CTDP1: variants seen among roughly 807,000 people sequenced by gnomAD.
The protein encoded by CTDP1 is CTD phosphatase 1, also known as RNA polymerase II subunit A C-terminal domain phosphatase.
Under a neutral mutation model 91.8 loss-of-function variants are expected in CTDP1, and 47 were observed. That is an observed-to-expected ratio of 0.51 (90% CI 0.41 to 0.65). The LOEUF (loss-of-function observed/expected upper bound fraction) is 0.65. Among genes scored for constraint, CTDP1 ranks in the 30% least tolerant of loss-of-function variants. CTDP1 has a pLI of 0.00. For synonymous variants in CTDP1, 656 were observed against 598.5 expected, an observed-to-expected ratio of 1.10 and a Z score of -1.40; for missense variants, 1,272 against 1,373.7, an observed-to-expected ratio of 0.93 and a Z score of 1.17.
rs544127569 is a variant in CTDP1 at position 79,711,516 on chromosome 18, G to A, written c.863+1080G>A. Reference sequence around the variant, plus strand: ...AGGGAGGTGGCAGTCGAAAGGACCCGAGTGGGCAGAGGAATGTGAATAGCC... The same window carrying A: ...AGGGAGGTGGCAGTCGAAAGGACCCAAGTGGGCAGAGGAATGTGAATAGCC... On this transcript the variant is annotated intron_variant, in intron 6 of 12. Coordinates refer to ENST00000613122, the MANE Select transcript of CTDP1 (RefSeq NM_004715.5). Among the ~76,000 whole-genome samples, 135 of 152,294 alleles carry A rather than the reference G, an allele frequency of 8.9e-4. 1 individual carries two copies. Among genetic ancestry groups the A allele is most frequent in the African/African-American group, 3.1e-3 (130 of 41,552 alleles).
chr18:79,743,910 C>G (rs1368560913), intron 12 of CTDP1, among the ~76,000 whole-genome samples: 4 of 152,188 alleles, frequency 2.6e-5, no homozygotes, highest in Non-Finnish European at 5.9e-5. Flanking sequence ...CTGCTCAGGG[C>G]CAGCCTGCCT....
chr18:79,692,699 G>A (rs1237653518), intron 1 of CTDP1, among the ~76,000 whole-genome samples: 1 of 152,124 alleles, frequency 6.6e-6, no homozygotes, highest in Admixed American at 6.5e-5. Context: ...CCCGCCGTGA[G>A]CTGGTGTCCT....
intron 5 of CTDP1, among the ~76,000 whole-genome samples, chr18:79,705,345 C>T (rs954151279): frequency 6.6e-6 from 1 of 152,144 alleles, no homozygotes; most frequent in Non-Finnish European, 1.5e-5. Flanking sequence ...CTTCTGTCTC[C>T]CTGGGTGATA....
chr18:79,729,649 G>A (rs2169249), intron 11 of CTDP1, among the ~76,000 whole-genome samples: 46,230 of 152,164 alleles, frequency 0.3, 8,337 homozygotes, highest in East Asian at 0.41. Context: ...TGTGTCCTGG[G>A]CCCCTTGGCC....
At chr18:79,677,410 G>T (rs933160218), upstream of CTDP1, 31 of 152,298 alleles carry the variant, frequency 2.0e-4, no homozygotes, top group African/African-American at 7.0e-4. Context: ...AGAAAAGGGA[G>T]TGAGGCACAG....
At chr18:79,718,101 T>C (rs1353742793) in intron 10 of CTDP1, 85 bp downstream of exon 10, 1 of 1,510,312 alleles carries the variant, frequency 6.6e-7, no homozygotes, top group Non-Finnish European at 9.0e-7. Context: ...TGGCGTCAGT[T>C]GCCCGAAGTG....
At chr18:79,733,510 G>C (rs2086606832) in intron 11 of CTDP1, among the ~76,000 whole-genome samples, 1 of 152,140 alleles carries the variant, frequency 6.6e-6, no homozygotes, top group African/African-American at 2.4e-5. Flanking sequence ...GGCGTCCGCT[G>C]CCTCTGCAGC....
In CTDP1 at chr18:79,726,658, C is replaced by T. The variant is rs544621506; in HGVS notation, c.2418-2249C>T. Among the ~76,000 whole-genome samples, 4 of 152,014 alleles carry T rather than the reference C, an allele frequency of 2.6e-5. No individual in the cohort carries two copies. In the East Asian group the frequency reaches 7.7e-4, roughly 29 times the overall value. ...GGAGTGGAGGCCCCCTTGTTCCTGC[C>T]ATTTGGGATAGGAGTCCAGTTCCCC... On this transcript the variant is annotated intron_variant, in intron 10 of 12. Transcript: ENST00000613122.
intron 12 of CTDP1, among the ~76,000 whole-genome samples, chr18:79,740,983 TCCCCCG>T (rs1445794697): frequency 1.3e-4 from 19 of 151,398 alleles, no homozygotes; most frequent in Non-Finnish European, 2.7e-4. Flanking sequence ...TTGGGTGAGG[TCCCCCG>T]TGCGGTTGAT....
chr18:79,740,868 G>A (rs939245972), intron 12 of CTDP1, among the ~76,000 whole-genome samples: 2 of 152,190 alleles, frequency 1.3e-5, no homozygotes, highest in African/African-American at 4.8e-5. Context: ...AACCAAACAA[G>A]TCATCTTCAG....
At chr18:79,749,978 G>A (rs2086963606) in intron 12 of CTDP1, 1 of 152,264 alleles carries the variant, frequency 6.6e-6, no homozygotes, top group Non-Finnish European at 1.5e-5. Flanking sequence ...GCAGAGACTG[G>A]AAATAAAGGA....
Position 79,710,456 on chromosome 18 carries a change from C to T in CTDP1, c.863+20C>T. 1 of 1,533,908 alleles carries T rather than the reference C, an allele frequency of 6.5e-7. No individual in the cohort carries two copies. The highest frequency in any genetic ancestry group is 9.0e-7 in the Non-Finnish European group (1 of 1,106,834). The stretch of plus-strand genomic sequence containing the variant: ...CCTTAGGTATGTACCCAGCCGCGCT[C>T]CTCACAAAGACCTCGCTGTTCATTT... On this transcript the variant is annotated intron_variant, in intron 6 of 12. Transcript: ENST00000613122.
intron 11 of CTDP1, among the ~76,000 whole-genome samples, chr18:79,735,357 A>G (rs73972721): frequency 0.072 from 10,789 of 150,796 alleles, 1,244 homozygotes; most frequent in African/African-American, 0.24. Flanking sequence ...TGCCTGTCTC[A>G]GGGACCACGG....
At chr18:79,702,360 A>ATTATTTT (rs200251179) in intron 4 of CTDP1, among the ~76,000 whole-genome samples, 4 of 152,122 alleles carry the variant, frequency 2.6e-5, no homozygotes, top group Non-Finnish European at 4.4e-5. Context: ...TAATCATAAA[A>ATTATTTT]TTATTTTTTA....
intron 5 of CTDP1, among the ~76,000 whole-genome samples, chr18:79,708,657 C>T (rs1359955433): frequency 6.6e-6 from 1 of 152,262 alleles, no homozygotes. Flanking sequence ...GTCTCATCTA[C>T]CTCCTTTGCT....
chr18:79,708,022 T>C (rs978273335), intron 5 of CTDP1, among the ~76,000 whole-genome samples: 7 of 152,362 alleles, frequency 4.6e-5, no homozygotes, highest in Admixed American at 3.9e-4. Flanking sequence ...ATCTGGAATT[T>C]ACGCATAGTG....
intron 10 of CTDP1, among the ~76,000 whole-genome samples, chr18:79,725,495 T>C (rs1878173928): frequency 6.6e-6 from 1 of 152,160 alleles, no homozygotes; most frequent in Admixed American, 6.5e-5. Context: ...GTTGTGTTTT[T>C]GAAGGAATTG....
At chr18:79,709,886 A>G (rs2086045319) in intron 5 of CTDP1, among the ~76,000 whole-genome samples, 1 of 152,236 alleles carries the variant, frequency 6.6e-6, no homozygotes, top group Non-Finnish European at 1.5e-5. Context: ...ACCATTACAG[A>G]TGAGAGCAGT....
At chr18:79,708,355 T>G (rs2086010296) in intron 5 of CTDP1, among the ~76,000 whole-genome samples, 1 of 152,128 alleles carries the variant, frequency 6.6e-6, no homozygotes, top group Non-Finnish European at 1.5e-5. Context: ...ATCTCAGAGG[T>G]GGTGGTGCAG....
Sources: gnomAD v4.1 joint callset for allele counts (sites outside exome capture counted in the v4.1 genomes callset) on GRCh38, gnomAD v4.1.1 for gene constraint, MANE v1.5 for transcripts, NCBI Gene and HGNC (gene_info 2026-07-23, HGNC 2026-07-21) for gene names.